Variants in DOCK4 observed in about 807,000 individuals in gnomAD.
The protein encoded by DOCK4 is dedicator of cytokinesis 4.
DOCK4 carries 97 observed loss-of-function variants against 268.1 expected under a neutral mutation model. The ratio of observed to expected loss-of-function variants is 0.36; its 90% CI spans 0.31 to 0.43. The LOEUF (loss-of-function observed/expected upper bound fraction) is 0.43, where lower values mean the gene tolerates loss of function less well. DOCK4 is among the 20% of genes least tolerant of loss of function. The pLI, the probability that DOCK4 is intolerant of heterozygous loss-of-function variation, is 1.00. For missense variants in DOCK4, 2,145 were observed against 2,455.7 expected, an observed-to-expected ratio of 0.87 and a Z score of 2.67; for synonymous variants, 954 against 887.2, an observed-to-expected ratio of 1.08 and a Z score of -1.34.
intron 1 of DOCK4, among the ~76,000 whole-genome samples, chr7:112,112,706 C>A (rs1811779466): frequency 6.6e-6 from 1 of 151,904 alleles, no homozygotes; most frequent in Non-Finnish European, 1.5e-5. Flanking sequence ...GAACTGTGAG[C>A]CCAATAAGCC....
At chr7:111,739,038 G>T in intron 49 of DOCK4, 96 bp downstream of exon 49, 2 of 1,000,310 alleles carry the variant, frequency 2.0e-6, no homozygotes, top group Non-Finnish European at 1.5e-6. Context: ...CTGCCCAGCT[G>T]CTTGCTTTTG....
In DOCK4 at chr7:111,863,366, C is replaced by T. The variant is rs1006984555; in HGVS notation, c.2473+6G>A. 1.2e-5 allele frequency: 19 copies of T among 1,613,872 alleles called. No individual in the cohort carries two copies. The African/African-American group carries it at 1.2e-4, about 10-fold the overall frequency. ...GGCACAATTTCCTCCAAGAGACTCACCCTACCTGGGTTGGTATAAAGCTGG... is the reference window on the plus strand; with the variant it reads ...GGCACAATTTCCTCCAAGAGACTCATCCTACCTGGGTTGGTATAAAGCTGG... On this transcript the variant is annotated splice_donor_region_variant and intron_variant, in intron 23 of 52. Coordinates refer to ENST00000428084, the MANE Select transcript of DOCK4 (RefSeq NM_001363540.2).
At chr7:111,959,679 T>C (rs1173980198) in intron 8 of DOCK4, among the ~76,000 whole-genome samples, 1 of 152,170 alleles carries the variant, frequency 6.6e-6, no homozygotes, top group African/African-American at 2.4e-5. Flanking sequence ...TCCTAACAAC[T>C]CAGTCTTTTC....
intron 1 of DOCK4, among the ~76,000 whole-genome samples, chr7:112,036,678 G>A (rs538409854): frequency 7.1e-6 from 1 of 141,510 alleles, no homozygotes; most frequent in Non-Finnish European, 1.5e-5. Flanking sequence ...TTTTTTTTCC[G>A]GAGACGGAGT....
At position 112,011,502 on chromosome 7, in the gene DOCK4, T is replaced by C. The variant is rs28532478; in HGVS notation, c.38-7371A>G. ...TTCATGTGTTAGTTCTAACCTTCTATGACACAGACATTTCAATACTCATTT... is the reference window on the plus strand; with the variant it reads ...TTCATGTGTTAGTTCTAACCTTCTACGACACAGACATTTCAATACTCATTT... On this transcript the variant is annotated intron_variant, in intron 1 of 52. Transcript: ENST00000428084. Among the ~76,000 whole-genome samples, 539 of 152,056 alleles carry C rather than the reference T, an allele frequency of 3.5e-3. 2 individuals carry two copies. Among genetic ancestry groups the C allele is most frequent in the African/African-American group, 0.013 (523 of 41,470 alleles).
chr7:112,163,427 A>G (rs1418261923), intron 1 of DOCK4, among the ~76,000 whole-genome samples: 2 of 152,068 alleles, frequency 1.3e-5, no homozygotes. Flanking sequence ...AACTGACTTA[A>G]TCTCCAACTT....
chr7:111,853,914 C>G (rs1239303278), intron 23 of DOCK4, among the ~76,000 whole-genome samples: 1 of 151,492 alleles, frequency 6.6e-6, no homozygotes. Context: ...TATTCAGTAG[C>G]TTTTTGTTGT....
At chr7:112,019,673 GC>G (rs1282219218) in intron 1 of DOCK4, among the ~76,000 whole-genome samples, 6 of 152,166 alleles carry the variant, frequency 3.9e-5, no homozygotes, top group Non-Finnish European at 8.8e-5. Context: ...AAATTTCCCT[GC>G]TGTCTTTCCT....
intron 12 of DOCK4, among the ~76,000 whole-genome samples, chr7:111,928,494 T>C (rs148354764): frequency 6.6e-6 from 1 of 152,182 alleles, no homozygotes; most frequent in African/African-American, 2.4e-5. Context: ...TATTTTGAAC[T>C]ATATTTTTTC....
chr7:111,755,931 A>G (rs2074118), intron 41 of DOCK4, among the ~76,000 whole-genome samples: 99,389 of 152,116 alleles, frequency 0.65, 33,033 homozygotes, highest in Non-Finnish European at 0.72. Flanking sequence ...ACTCCTTAAC[A>G]TCTAACCACT....
intron 12 of DOCK4, among the ~76,000 whole-genome samples, chr7:111,920,620 A>T (rs1471825427): frequency 1.3e-5 from 2 of 152,092 alleles, no homozygotes; most frequent in African/African-American, 4.8e-5. Flanking sequence ...CTTAAATTTT[A>T]TCTGTACATT....
At chr7:112,205,388 T>A (rs905127850) in intron 1 of DOCK4, among the ~76,000 whole-genome samples, 1 of 151,738 alleles carries the variant, frequency 6.6e-6, no homozygotes. Context: ...GTCGAGAGGG[T>A]GGCCAGAAGT....
At chr7:111,910,332 G>A (rs1791990154) in intron 13 of DOCK4, among the ~76,000 whole-genome samples, 2 of 152,308 alleles carry the variant, frequency 1.3e-5, no homozygotes, top group Non-Finnish European at 2.9e-5. Flanking sequence ...GGCCAGGCCT[G>A]CTTTGCCTAG....
intron 13 of DOCK4, among the ~76,000 whole-genome samples, chr7:111,911,302 A>G (rs983472901): frequency 5.9e-5 from 9 of 152,222 alleles, no homozygotes; most frequent in African/African-American, 2.2e-4. Flanking sequence ...CATTAGAGCC[A>G]CTGGTGAGAA....
chr7:111,810,408 C>T (rs1199199342), intron 28 of DOCK4, among the ~76,000 whole-genome samples: 7 of 151,378 alleles, frequency 4.6e-5, no homozygotes, highest in South Asian at 4.2e-4. Flanking sequence ...GCCGAGATTG[C>T]GCCACTGCAC....
intron 1 of DOCK4, among the ~76,000 whole-genome samples, chr7:112,145,907 A>G (rs369062271): frequency 3.3e-5 from 5 of 152,286 alleles, no homozygotes; most frequent in South Asian, 2.1e-4. Flanking sequence ...CTATTATTCA[A>G]TATCATCTAA....
At chr7:111,892,742 A>G (rs918400498) in intron 16 of DOCK4, among the ~76,000 whole-genome samples, 3 of 152,244 alleles carry the variant, frequency 2.0e-5, no homozygotes, top group African/African-American at 7.2e-5. Flanking sequence ...TGGCAGAAGA[A>G]GGATTATGTA....
chr7:111,957,641 A>T (rs1161889972), intron 8 of DOCK4, among the ~76,000 whole-genome samples: 1 of 152,184 alleles, frequency 6.6e-6, no homozygotes, highest in Non-Finnish European at 1.5e-5. Flanking sequence ...CTTACAACAT[A>T]TTAATAAATG....
At chr7:111,989,952 C>T (rs902190687) in intron 5 of DOCK4, among the ~76,000 whole-genome samples, 1 of 152,182 alleles carries the variant, frequency 6.6e-6, no homozygotes, top group Non-Finnish European at 1.5e-5. Flanking sequence ...AGCACTACAG[C>T]ACAGTGGCAG....
Sources: gnomAD v4.1 joint callset for allele counts (sites outside exome capture counted in the v4.1 genomes callset) on GRCh38, gnomAD v4.1.1 for gene constraint, MANE v1.5 for transcripts, NCBI Gene and HGNC (gene_info 2026-07-23, HGNC 2026-07-21) for gene names.